The following LRRC4C variants were observed in gnomAD, a reference collection of about 807,000 sequenced individuals.
LRRC4C encodes leucine rich repeat containing 4C, also known as leucine-rich repeat-containing protein 4C.
LRRC4C carries 5 observed loss-of-function variants against 33.6 expected under a neutral mutation model. That is an observed-to-expected ratio of 0.15 (90% CI 0.08 to 0.31). The LOEUF (loss-of-function observed/expected upper bound fraction) is 0.31, where lower values mean the gene tolerates loss of function less well. Ranked by LOEUF, LRRC4C falls within the 10% of genes least tolerant of loss-of-function variation. The probability of loss-of-function intolerance (pLI) is 1.00; values close to 1 mark genes in which losing one functional copy is unlikely to be tolerated. For synonymous variants in LRRC4C, 329 were observed against 302.0 expected (o/e 1.09, Z -0.93); for missense variants, 560 against 796.7 (o/e 0.70, Z 3.58).
intron 6 of LRRC4C, among the ~76,000 whole-genome samples, chr11:40,132,392 C>T (rs575790282): frequency 6.6e-6 from 1 of 152,294 alleles, no homozygotes; most frequent in Non-Finnish European, 1.5e-5. Flanking sequence ...CACCAGTACA[C>T]TGGTGACATT....
intron 1 of LRRC4C, among the ~76,000 whole-genome samples, chr11:40,950,271 T>C (rs1163097432): frequency 2.0e-5 from 3 of 152,064 alleles, no homozygotes; most frequent in African/African-American, 7.2e-5. Context: ...CCCATTCTAC[T>C]GAGCACCTAC....
chr11:41,216,963 G>C (rs1010199032), intron 1 of LRRC4C, among the ~76,000 whole-genome samples: 1 of 151,980 alleles, frequency 6.6e-6, no homozygotes, highest in African/African-American at 2.4e-5. Flanking sequence ...TAGATGATAT[G>C]ACCAAGGCTC....
At chr11:40,763,997 T>C (rs1257637315) in intron 2 of LRRC4C, among the ~76,000 whole-genome samples, 1 of 152,156 alleles carries the variant, frequency 6.6e-6, no homozygotes, top group Non-Finnish European at 1.5e-5. Context: ...AGGGAATGTT[T>C]GTGTCACCCA....
At chr11:40,146,989 C>A (rs951792965) in intron 5 of LRRC4C, among the ~76,000 whole-genome samples, 2 of 152,134 alleles carry the variant, frequency 1.3e-5, no homozygotes, top group Non-Finnish European at 2.9e-5. Flanking sequence ...AAAGTGGGCC[C>A]TTTTGGGAAG....
chr11:40,142,457 G>C (rs1016264307), intron 5 of LRRC4C, among the ~76,000 whole-genome samples: 7 of 152,046 alleles, frequency 4.6e-5, no homozygotes, highest in African/African-American at 1.7e-4. Flanking sequence ...TGTGTGTAGA[G>C]AGGCAAAGAA....
At chr11:40,410,489 T>C (rs1950118879) in intron 3 of LRRC4C, among the ~76,000 whole-genome samples, 1 of 151,844 alleles carries the variant, frequency 6.6e-6, no homozygotes. Flanking sequence ...TGTGTGTAGA[T>C]GATAGGTCTT....
intron 1 of LRRC4C, among the ~76,000 whole-genome samples, chr11:40,963,527 C>T (rs1271718519): frequency 6.6e-6 from 1 of 151,634 alleles, no homozygotes; most frequent in Non-Finnish European, 1.5e-5. Flanking sequence ...CAATGCTTCC[C>T]CTGACTGCCT....
At chr11:41,213,667 G>A (rs927884592) in intron 1 of LRRC4C, among the ~76,000 whole-genome samples, 1 of 152,192 alleles carries the variant, frequency 6.6e-6, no homozygotes, top group Non-Finnish European at 1.5e-5. Flanking sequence ...ACATGTTAGA[G>A]AGTTGATAGA....
intron 2 of LRRC4C, among the ~76,000 whole-genome samples, chr11:40,897,580 T>G (rs1471023537): frequency 6.6e-6 from 1 of 152,228 alleles, no homozygotes; most frequent in Non-Finnish European, 1.5e-5. Context: ...TACTTCATCC[T>G]TCTATAAAGA....
intron 3 of LRRC4C, among the ~76,000 whole-genome samples, chr11:40,329,174 A>G (rs1946232556): frequency 6.6e-6 from 1 of 152,100 alleles, no homozygotes; most frequent in Non-Finnish European, 1.5e-5. Context: ...TAATAGCACA[A>G]GGATGTGAAA....
intron 1 of LRRC4C, among the ~76,000 whole-genome samples, chr11:41,198,088 A>C (rs1288210718): frequency 6.6e-6 from 1 of 152,062 alleles, no homozygotes; most frequent in Non-Finnish European, 1.5e-5. Flanking sequence ...ATTATTTTAA[A>C]GTATATTATT....
intron 1 of LRRC4C, among the ~76,000 whole-genome samples, chr11:41,336,713 TC>T (rs1951466851): frequency 6.6e-6 from 1 of 152,152 alleles, no homozygotes; most frequent in Non-Finnish European, 1.5e-5. Context: ...CTTCATGTCT[TC>T]CCTCCTTTTG....
Position 40,538,546 on chromosome 11 carries a change from G to A in LRRC4C, c.-270+109596C>T, listed in dbSNP as rs574869552. Among the ~76,000 whole-genome samples the A allele has an allele frequency of 4.6e-5, 7 of 152,272 alleles. No individual in the cohort carries two copies. In the South Asian group the frequency reaches 1.5e-3, roughly 32 times the overall value. ...CCAGTCTATCATTGATGGACATTTG[G>A]GTTGGTTCCAAGTCTTTGCTATTGT... On this transcript the variant is annotated intron_variant, in intron 3 of 6. Coordinates refer to ENST00000528697, the MANE Select transcript of LRRC4C (RefSeq NM_001258419.2).
chr11:40,266,072 C>T (rs1942235513), intron 4 of LRRC4C, among the ~76,000 whole-genome samples: 1 of 151,902 alleles, frequency 6.6e-6, no homozygotes, highest in African/African-American at 2.4e-5. Flanking sequence ...CCGAGGCAGG[C>T]AGATCTCTTG....
intron 3 of LRRC4C, among the ~76,000 whole-genome samples, chr11:40,402,395 G>A (rs142343387): frequency 4.6e-5 from 7 of 152,106 alleles, no homozygotes; most frequent in African/African-American, 1.7e-4. Flanking sequence ...AGTTGGCTGG[G>A]CAGATATATT....
intron 1 of LRRC4C, among the ~76,000 whole-genome samples, chr11:41,372,751 AAG>A (rs1207533220): frequency 1.3e-5 from 2 of 150,038 alleles, no homozygotes; most frequent in African/African-American, 4.9e-5. Flanking sequence ...AGAATGAAGC[AAG>A]AGTTAGGTAT....
At chr11:41,450,608 T>C (rs1955986891) in intron 1 of LRRC4C, among the ~76,000 whole-genome samples, 1 of 152,108 alleles carries the variant, frequency 6.6e-6, no homozygotes, top group South Asian at 2.1e-4. Context: ...TCCTCATCTG[T>C]ATCCTGAGAA....
At chr11:40,308,558 T>A (rs1945151374) in intron 4 of LRRC4C, among the ~76,000 whole-genome samples, 2 of 152,096 alleles carry the variant, frequency 1.3e-5, no homozygotes, top group South Asian at 4.1e-4. Context: ...ATTATAAGGG[T>A]CCTTATAAGA....
intron 3 of LRRC4C, among the ~76,000 whole-genome samples, chr11:40,355,686 C>T (rs769441456): frequency 6.6e-6 from 1 of 152,116 alleles, no homozygotes; most frequent in Non-Finnish European, 1.5e-5. Flanking sequence ...TGCTGTGCTG[C>T]TGAGGGATGG....
Sources: allele counts gnomAD v4.1 joint callset (sites outside exome capture counted in the v4.1 genomes callset), GRCh38; gene constraint gnomAD v4.1.1; transcripts MANE v1.5; gene names NCBI Gene and HGNC (gene_info 2026-07-23, HGNC 2026-07-21).